The following TBC1D19 variants were observed in gnomAD, a reference collection of about 807,000 sequenced individuals.
TBC1D19 encodes TBC1 domain family, member 19.
Under a neutral mutation model 89.0 loss-of-function variants are expected in TBC1D19, and 60 were observed. The ratio of observed to expected loss-of-function variants is 0.67; its 90% confidence interval spans 0.55 to 0.84. The LOEUF is 0.84. Among genes scored for constraint, TBC1D19 ranks in the 40% least tolerant of loss-of-function variants. The probability of loss-of-function intolerance (pLI) is 0.00; values close to 1 mark genes in which losing one functional copy is unlikely to be tolerated. For synonymous variants in TBC1D19, 189 were observed against 199.7 expected (o/e 0.95, Z 0.45); for missense variants, 500 against 610.8 (o/e 0.82, Z 1.91).
intron 18 of TBC1D19, among the ~76,000 whole-genome samples, chr4:26,744,401 A>G (rs1039122539): frequency 6.7e-6 from 1 of 150,310 alleles, no homozygotes; most frequent in Non-Finnish European, 1.5e-5. Flanking sequence ...TATATTTATT[A>G]TTTTCTTCTT....
At chr4:26,641,464 T>G (rs540303725) in intron 7 of TBC1D19, among the ~76,000 whole-genome samples, 2 of 152,224 alleles carry the variant, frequency 1.3e-5, no homozygotes, top group African/African-American at 4.8e-5. Context: ...ACCACAAACA[T>G]GGGGAGAAAC....
At chr4:26,643,187 C>A (rs186423740) in intron 7 of TBC1D19, among the ~76,000 whole-genome samples, 269 of 152,304 alleles carry the variant, frequency 1.8e-3, no homozygotes, top group African/African-American at 6.2e-3. Context: ...GTAAAGCACT[C>A]CTCAGCAAAT....
At chr4:26,635,475 T>C (rs1396652699) in intron 4 of TBC1D19, among the ~76,000 whole-genome samples, 2 of 152,076 alleles carry the variant, frequency 1.3e-5, no homozygotes, top group Non-Finnish European at 2.9e-5. Flanking sequence ...TAGAGTTAAT[T>C]TGGGAGCTAT....
chr4:26,669,061 G>A (rs543391656), intron 9 of TBC1D19, among the ~76,000 whole-genome samples: 1 of 151,484 alleles, frequency 6.6e-6, no homozygotes, highest in Non-Finnish European at 1.5e-5. Flanking sequence ...TGTTAACAGA[G>A]TGAGCAAGCT....
chr4:26,659,490 A>G, intron 7 of TBC1D19, 107 bp from the exon 8 acceptor site: 1 of 604,064 alleles, frequency 1.7e-6, no homozygotes, highest in Non-Finnish European at 2.9e-6. Flanking sequence ...GCATCACCCA[A>G]ATAGTAATTA....
chr4:26,704,137 G>A (rs972454645), intron 13 of TBC1D19, among the ~76,000 whole-genome samples: 4 of 152,024 alleles, frequency 2.6e-5, no homozygotes, highest in Non-Finnish European at 5.9e-5. Flanking sequence ...TGTTAAGTTA[G>A]TTTTTATTTT....
chr4:26,766,720 A>G, the TBC1D19 span, among the ~76,000 whole-genome samples: 1 of 152,200 alleles, frequency 6.6e-6, no homozygotes, highest in East Asian at 1.9e-4. Context: ...CTTGAATCCC[A>G]GCTCCACTAT....
intron 7 of TBC1D19, among the ~76,000 whole-genome samples, chr4:26,650,147 A>G (rs976073992): frequency 3.9e-5 from 6 of 152,012 alleles, no homozygotes; most frequent in African/African-American, 7.2e-5. Context: ...AGTCTTTGCT[A>G]TTGTGAATAG....
rs534039173 is a variant in TBC1D19 at position 26,738,806 on chromosome 4, T to A, written c.1118-1058T>A. Among the ~76,000 whole-genome samples the A allele has an allele frequency of 3.9e-5, 6 of 152,222 alleles. No individual in the cohort carries two copies. In the East Asian group the frequency reaches 1.2e-3, roughly 29 times the overall value. On this transcript the variant is annotated intron_variant, in intron 16 of 20. Transcript: ENST00000264866. Reference sequence around the variant, plus strand: ...TGCATTGCTGTTTATCCCAGAAAATTGAACTTTTGTGTTTGAAAGAATTTA... The same window carrying A: ...TGCATTGCTGTTTATCCCAGAAAATAGAACTTTTGTGTTTGAAAGAATTTA...
At chr4:26,842,589 T>TCCCTCCC in the TBC1D19 span, among the ~76,000 whole-genome samples, 1 of 88,204 alleles carries the variant, frequency 1.1e-5, no homozygotes. Context: ...CCTCCCTTTC[T>TCCCTCCC]TTCTTTCTTT....
chr4:26,664,910 C>T (rs1711667411), intron 8 of TBC1D19, among the ~76,000 whole-genome samples: 1 of 152,158 alleles, frequency 6.6e-6, no homozygotes, highest in African/African-American at 2.4e-5. Context: ...GGTGCATTCA[C>T]CTTCCCAGCT....
rs188459869 is a variant in TBC1D19 at position 26,657,071 on chromosome 4, C to T, written c.481-2526C>T. On this transcript the variant is annotated intron_variant, in intron 7 of 20. Transcript: ENST00000264866. ...TCCTCTTCTTGTTCTTCTTCTTCTT[C>T]TTCTTCTTCATTTATTTATTTATTT... 1.0e-2 allele frequency among the ~76,000 whole-genome samples: 1,480 copies of T among 148,352 alleles called. 13 individuals are homozygous for T. Among genetic ancestry groups the T allele is most frequent in the Middle Eastern group, 0.031 (9 of 292 alleles).
intron 19 of TBC1D19, among the ~76,000 whole-genome samples, chr4:26,753,490 A>T (rs1719093122): frequency 6.6e-6 from 1 of 152,164 alleles, no homozygotes; most frequent in African/African-American, 2.4e-5. Context: ...CAAAAACAAA[A>T]AAAACTCATT....
chr4:26,812,399 A>G, the TBC1D19 span, among the ~76,000 whole-genome samples: 281 of 152,308 alleles, frequency 1.8e-3, 9 homozygotes, highest in East Asian at 0.049. This position sits in a 1 kb window ranked among gnomAD's most constrained non-coding sequence, Gnocchi z 4.2. Flanking sequence ...CGCAATTACC[A>G]TGAACGATCC....
chr4:26,625,111 C>T (rs1025880867), intron 4 of TBC1D19, among the ~76,000 whole-genome samples: 10 of 151,724 alleles, frequency 6.6e-5, no homozygotes, highest in African/African-American at 2.4e-4. Context: ...CTTCACTTAG[C>T]TCTTGATCAT....
At chr4:26,688,474 G>C in intron 13 of TBC1D19, 67 bp downstream of exon 13, 1 of 1,388,548 alleles carries the variant, frequency 7.2e-7, no homozygotes, top group South Asian at 1.5e-5. Context: ...TACTTTAGGA[G>C]ATATCTCTGC....
downstream of TBC1D19, among the ~76,000 whole-genome samples, chr4:26,759,468 A>G (rs1719388795): frequency 6.6e-6 from 1 of 152,174 alleles, no homozygotes; most frequent in African/African-American, 2.4e-5. Flanking sequence ...TGTACAATAA[A>G]GTTATATGTA....
upstream of TBC1D19, among the ~76,000 whole-genome samples, chr4:26,579,100 T>C (rs533985821): frequency 1.3e-5 from 2 of 152,216 alleles, no homozygotes; most frequent in Non-Finnish European, 2.9e-5. Flanking sequence ...TACTATAATT[T>C]AGATTCTCAG....
chr4:26,742,528 G>T lies in TBC1D19; in HGVS notation c.1248G>T (p.Leu416=), dbSNP rs1432469310. The change falls in exon 18 of 21, where the codon CTG becomes CTT. Residue 416 remains leucine (L), a synonymous_variant. Transcript: ENST00000264866. The part of the protein sequence containing the change: ...SHPSGIVSLC[L]LFETLLQTYL... ...TCCAGGGTATTGTGTCACTCTGTCT[G>T]CTGTTTGAAACTCTTCTTCAAACTT... The T allele has an allele frequency of 6.2e-6, 10 of 1,611,322 alleles. No homozygotes were observed. Among genetic ancestry groups the T allele is most frequent in the Non-Finnish European group, 7.6e-6 (9 of 1,178,558 alleles).
Sources: allele counts gnomAD v4.1 joint callset (sites outside exome capture counted in the v4.1 genomes callset), GRCh38; gene constraint gnomAD v4.1.1; non-coding constraint Gnocchi (gnomAD v3.1); transcripts MANE v1.5; gene names NCBI Gene and HGNC (gene_info 2026-07-23, HGNC 2026-07-21).